TAFA2: variants seen among roughly 807,000 people sequenced by gnomAD.
TAFA2 encodes TAFA chemokine like family member 2.
TAFA2 carries 7 observed loss-of-function variants against 18.8 expected under a neutral mutation model. The observed-to-expected ratio is 0.37, with a 90% CI of 0.21 to 0.70. The LOEUF is 0.70. Ranked by LOEUF, TAFA2 falls within the 30% of genes least tolerant of loss-of-function variation. TAFA2 has a pLI of 0.53. For synonymous variants in TAFA2, 60 were observed against 54.2 expected (o/e 1.11, Z -0.47); for missense variants, 122 against 158.1 (o/e 0.77, Z 1.23).
rs140429859 is a variant in TAFA2, at chr12:61,890,676, A to G, written c.-1-23250T>C. Among the ~76,000 whole-genome samples the G allele has an allele frequency of 3.9e-3, 589 of 152,306 alleles. 2 individuals carry two copies. The highest frequency in any genetic ancestry group is 6.4e-3 in the Non-Finnish European group (434 of 68,022). On this transcript the variant is annotated intron_variant, in intron 1 of 4. Transcript: ENST00000416284. ...TAATCTGCCATCTCTTCAGGCTACA[A>G]ATCATTTTCTCTACCTCTTGACAGG...
At chr12:62,059,258 G>A (rs939473213) in intron 1 of TAFA2, among the ~76,000 whole-genome samples, 17 of 151,414 alleles carry the variant, frequency 1.1e-4, no homozygotes, top group African/African-American at 4.1e-4. Flanking sequence ...TTGAGGCTCC[G>A]GTGATCTATG....
intron 2 of TAFA2, among the ~76,000 whole-genome samples, chr12:61,818,488 A>ACAC (rs1565644699): frequency 8.4e-6 from 1 of 118,764 alleles, no homozygotes; most frequent in Non-Finnish European, 1.7e-5. Context: ...GTCTCAAAAA[A>ACAC]ATACACACAC....
At chr12:61,861,665 C>G (rs1240352172) in intron 2 of TAFA2, among the ~76,000 whole-genome samples, 1 of 152,078 alleles carries the variant, frequency 6.6e-6, no homozygotes, top group Non-Finnish European at 1.5e-5. Context: ...TCAAATGAAT[C>G]AACAAACAAA....
intron 4 of TAFA2, among the ~76,000 whole-genome samples, chr12:61,734,616 G>A (rs1466032382): frequency 6.6e-6 from 1 of 152,016 alleles, no homozygotes; most frequent in Admixed American, 6.6e-5. Flanking sequence ...ATGTGCAGCA[G>A]AGACAAAGCC....
intron 1 of TAFA2, among the ~76,000 whole-genome samples, chr12:62,057,708 C>A (rs904873455): frequency 6.6e-6 from 1 of 152,116 alleles, no homozygotes; most frequent in Non-Finnish European, 1.5e-5. Context: ...CATTACCTTT[C>A]TTTCAAAAAA....
At chr12:61,873,477 A>C (rs1874710138) in intron 1 of TAFA2, among the ~76,000 whole-genome samples, 1 of 152,128 alleles carries the variant, frequency 6.6e-6, no homozygotes, top group Admixed American at 6.5e-5. Flanking sequence ...GAGCCAAAAG[A>C]AAGGGAGGAG....
At chr12:62,239,928 C>T (rs1466639698) in intron 1 of TAFA2, among the ~76,000 whole-genome samples, 2 of 151,904 alleles carry the variant, frequency 1.3e-5, no homozygotes, top group Non-Finnish European at 2.9e-5. Flanking sequence ...TGGGTTGTTA[C>T]GCAGAAAAGA....
intron 1 of TAFA2, among the ~76,000 whole-genome samples, chr12:61,949,531 G>A (rs950951394): frequency 6.6e-6 from 1 of 152,050 alleles, no homozygotes; most frequent in African/African-American, 2.4e-5. Flanking sequence ...TCATACAGCC[G>A]GTCAAGTAGA....
intron 4 of TAFA2, among the ~76,000 whole-genome samples, chr12:61,750,825 A>G (rs955334587): frequency 6.6e-6 from 1 of 152,100 alleles, no homozygotes; most frequent in African/African-American, 2.4e-5. Context: ...CATAAGACCA[A>G]CATATCTTGC....
At chr12:62,219,024 T>G (rs938209009) in intron 1 of TAFA2, among the ~76,000 whole-genome samples, 3 of 152,048 alleles carry the variant, frequency 2.0e-5, no homozygotes, top group South Asian at 4.1e-4. Context: ...GAGGACAAAA[T>G]AGCATTTTAA....
chr12:61,945,178 C>A (rs1275469983), intron 1 of TAFA2, among the ~76,000 whole-genome samples: 87 of 119,442 alleles, frequency 7.3e-4, no homozygotes, highest in African/African-American at 3.5e-3. Flanking sequence ...TGTAATCCAG[C>A]ATATAAACAG....
chr12:61,847,887 C>A (rs2121148995), intron 2 of TAFA2, among the ~76,000 whole-genome samples: 1 of 152,156 alleles, frequency 6.6e-6, no homozygotes, highest in East Asian at 1.9e-4. Context: ...ATACAAATAA[C>A]CCAATAACTG....
rs895965299 is a variant in TAFA2 at position 61,844,164 on chromosome 12, G to A, written c.106+23156C>T. ...GGAACAGGCAAATGAGACCCAATGA[G>A]AATCCCACATTAAACTATTTCAACA... On this transcript the variant is annotated intron_variant, in intron 2 of 4. Coordinates refer to ENST00000416284, the MANE Select transcript of TAFA2 (RefSeq NM_178539.5). Among the ~76,000 whole-genome samples, 18 of 152,144 alleles carry A rather than the reference G, an allele frequency of 1.2e-4. 1 individual carries two copies. The East Asian group carries it at 3.5e-3, about 29-fold the overall frequency.
intron 2 of TAFA2, among the ~76,000 whole-genome samples, chr12:61,825,117 T>A (rs1872489116): frequency 6.6e-6 from 1 of 152,170 alleles, no homozygotes; most frequent in African/African-American, 2.4e-5. Flanking sequence ...ATGGGCATAT[T>A]CAGAGAACAA....
At chr12:62,210,670 C>G (rs190774403) in intron 1 of TAFA2, among the ~76,000 whole-genome samples, 2 of 152,040 alleles carry the variant, frequency 1.3e-5, no homozygotes, top group Non-Finnish European at 2.9e-5. Flanking sequence ...GATGCTTCCA[C>G]AACAGAGAGA....
At chr12:62,109,313 G>A (rs1484277481) in intron 1 of TAFA2, among the ~76,000 whole-genome samples, 2 of 152,048 alleles carry the variant, frequency 1.3e-5, no homozygotes, top group African/African-American at 4.8e-5. Context: ...TATTTCTGAG[G>A]CCTCTGTTCT....
chr12:62,218,404 AATGCTAGTATGTG>A lies in TAFA2; in HGVS notation c.-130+40346_-130+40358del, dbSNP rs150327856. ...GATGAACACATCCCCTATTACTTGAAATGCTAGTATGTGATCAGTTGGGTAGGCTCACATCCCT... is the reference window on the plus strand; with the variant it reads ...GATGAACACATCCCCTATTACTTGAAATCAGTTGGGTAGGCTCACATCCCT... On this transcript the variant is annotated intron_variant, in intron 1 of 5. Coordinates refer to the TAFA2 transcript ENST00000551619. Among the ~76,000 whole-genome samples, 33 of 152,268 alleles carry A rather than the reference AATGCTAGTATGTG, an allele frequency of 2.2e-4. No individual in the cohort carries two copies. The East Asian group carries it at 6.0e-3, about 28-fold the overall frequency.
At chr12:61,784,354 T>A (rs1870636007) in intron 2 of TAFA2, among the ~76,000 whole-genome samples, 1 of 151,326 alleles carries the variant, frequency 6.6e-6, no homozygotes. Flanking sequence ...GCCAAACACA[T>A]CAAGAGAGGT....
intron 2 of TAFA2, among the ~76,000 whole-genome samples, chr12:61,770,576 C>G (rs1342887806): frequency 6.6e-6 from 1 of 152,072 alleles, no homozygotes; most frequent in Non-Finnish European, 1.5e-5. Context: ...GATTGGGGTC[C>G]TATCTTTAGC....
Sources: gnomAD v4.1 joint callset for allele counts (sites outside exome capture counted in the v4.1 genomes callset) on GRCh38, gnomAD v4.1.1 for gene constraint, MANE v1.5 for transcripts, NCBI Gene and HGNC (gene_info 2026-07-23, HGNC 2026-07-21) for gene names.